GRID2: variants seen among roughly 807,000 people sequenced by gnomAD.
GRID2 encodes glutamate ionotropic receptor delta type subunit 2.
Under a neutral mutation model 114.8 loss-of-function variants are expected in GRID2, and 33 were observed. The observed-to-expected ratio is 0.29, with a 90% CI of 0.22 to 0.38. The LOEUF (loss-of-function observed/expected upper bound fraction) is 0.38. Ranked by LOEUF, GRID2 falls within the 10% of genes least tolerant of loss-of-function variation. The pLI, the probability that GRID2 is intolerant of heterozygous loss-of-function variation, is 1.00. For missense variants in GRID2, 1,184 were observed against 1,257.7 expected (o/e 0.94, Z 0.89); for synonymous variants, 505 against 449.9 (o/e 1.12, Z -1.55).
intron 1 of GRID2, among the ~76,000 whole-genome samples, chr4:92,508,325 G>T (rs1823483): frequency 0.99 from 150,189 of 152,066 alleles, 74,176 homozygotes; most frequent in East Asian, 1. Context: ...TAGTTCTAGT[G>T]CTTAAGGTAT....
At chr4:92,339,835 T>C (rs932637719) in intron 1 of GRID2, among the ~76,000 whole-genome samples, 2 of 152,328 alleles carry the variant, frequency 1.3e-5, no homozygotes, top group Admixed American at 1.3e-4. Context: ...GCCAAGTTAT[T>C]CTACATGAGC....
chr4:92,412,532 G>T (rs113804673), intron 1 of GRID2, among the ~76,000 whole-genome samples: 2 of 151,624 alleles, frequency 1.3e-5, no homozygotes, highest in Non-Finnish European at 2.9e-5. Context: ...TAACCTCTAA[G>T]GTTTTCATTT....
intron 1 of GRID2, among the ~76,000 whole-genome samples, chr4:92,489,700 G>C (rs1367228871): frequency 6.6e-6 from 1 of 152,024 alleles, no homozygotes; most frequent in Non-Finnish European, 1.5e-5. Context: ...ACAAAAACTA[G>C]CAAGCGGTGG....
chr4:92,927,839 G>T (rs1749933314), intron 2 of GRID2, among the ~76,000 whole-genome samples: 1 of 151,570 alleles, frequency 6.6e-6, no homozygotes, highest in South Asian at 2.1e-4. Context: ...TGAAAAATCT[G>T]AACGATTTCA....
intron 14 of GRID2, among the ~76,000 whole-genome samples, chr4:93,741,192 T>TATAC (rs1731374821): frequency 3.3e-5 from 1 of 29,884 alleles, no homozygotes; most frequent in Non-Finnish European, 6.2e-5. Flanking sequence ...TATATATATA[T>TATAC]ATATATATGT....
In GRID2 at chr4:93,681,115, A is replaced by G. The variant is rs1425147763; in HGVS notation, c.2360+54680A>G. 2.6e-5 allele frequency among the ~76,000 whole-genome samples: 4 copies of G among 151,572 alleles called. No individual in the cohort carries two copies. In the East Asian group the frequency reaches 7.7e-4, roughly 29 times the overall value. Reference sequence around the variant, plus strand: ...TACAAAATCAGTGTACAAAAATCACAAGCATTCTTATACACCAATAACAGA... The same window carrying G: ...TACAAAATCAGTGTACAAAAATCACGAGCATTCTTATACACCAATAACAGA... On this transcript the variant is annotated intron_variant, in intron 14 of 15. Coordinates refer to ENST00000282020, the MANE Select transcript of GRID2 (RefSeq NM_001510.4).
intron 4 of GRID2, among the ~76,000 whole-genome samples, chr4:93,173,518 A>T (rs547821146): frequency 6.6e-6 from 1 of 152,224 alleles, no homozygotes; most frequent in Non-Finnish European, 1.5e-5. Flanking sequence ...TTTAAATTTG[A>T]TAAGCTTGGA....
rs3044025 is a variant in GRID2, at chr4:93,453,316, A to AAGAGAGAGAGAG, written c.1546-2313_1546-2302dup. On this transcript the variant is annotated intron_variant, in intron 10 of 15. Coordinates refer to ENST00000282020, the MANE Select transcript of GRID2 (RefSeq NM_001510.4). The stretch of plus-strand genomic sequence containing the variant: ...GACTATACAAAACTCAGAGATGGGA[A>AAGAGAGAGAGAG]AGAGAGAGAGAGAGAGAGAGAGAGA... Among the ~76,000 whole-genome samples the AAGAGAGAGAGAG allele has an allele frequency of 1.6e-3, 205 of 127,246 alleles. 2 individuals are homozygous for AAGAGAGAGAGAG. Among genetic ancestry groups the AAGAGAGAGAGAG allele is most frequent in the East Asian group, 7.9e-3 (26 of 3,300 alleles). The allele number at this position is 127,246 out of a possible 152,430, so 83.5% of individuals were successfully genotyped here. A position where few individuals can be genotyped will look rare whatever the true frequency, so the allele number is the denominator to read the frequency against.
chr4:93,645,439 T>C (rs1371133028), intron 14 of GRID2, among the ~76,000 whole-genome samples: 3 of 152,160 alleles, frequency 2.0e-5, no homozygotes, highest in Admixed American at 1.3e-4. Context: ...GCGATGGTTA[T>C]TGACTTGGGC....
rs562611572 is a variant in GRID2, at chr4:93,267,410, G to T, written c.1245+28920G>T. Among the ~76,000 whole-genome samples, 6 of 152,240 alleles carry T rather than the reference G, an allele frequency of 3.9e-5. No individual in the cohort carries two copies. In the South Asian group the frequency reaches 1.2e-3, roughly 32 times the overall value. ...CTCTGGAGAAATGCCCCAGCAGGGGGTGGAGCAACCACTGCTGTGTCAAAG... is the reference window on the plus strand; with the variant it reads ...CTCTGGAGAAATGCCCCAGCAGGGGTTGGAGCAACCACTGCTGTGTCAAAG... On this transcript the variant is annotated intron_variant, in intron 8 of 15. Coordinates refer to ENST00000282020, the MANE Select transcript of GRID2 (RefSeq NM_001510.4).
At chr4:93,028,475 C>T (rs549003756) in intron 2 of GRID2, among the ~76,000 whole-genome samples, 28 of 152,010 alleles carry the variant, frequency 1.8e-4, no homozygotes, top group African/African-American at 6.3e-4. Flanking sequence ...AATTACCTAG[C>T]GCCTTTATAA....
At chr4:92,339,169 A>G (rs959147508) in intron 1 of GRID2, among the ~76,000 whole-genome samples, 6 of 152,116 alleles carry the variant, frequency 3.9e-5, no homozygotes, top group African/African-American at 1.2e-4. Flanking sequence ...AATAAAGTAT[A>G]TGTGTTATAT....
At chr4:92,972,101 T>TAC (rs1468871694) in intron 2 of GRID2, among the ~76,000 whole-genome samples, 3 of 152,108 alleles carry the variant, frequency 2.0e-5, no homozygotes, top group African/African-American at 7.2e-5. Context: ...TTTTAGTTTT[T>TAC]TTTTCTCAGA....
At position 93,774,465 on chromosome 4, in the gene GRID2, A is replaced by G. The variant is rs1047943114; in HGVS notation, c.*1967A>G. 2 of 152,182 alleles carry G rather than the reference A, an allele frequency of 1.3e-5. No homozygotes were observed. Among genetic ancestry groups the G allele is most frequent in the Non-Finnish European group, 2.9e-5 (2 of 67,994 alleles). 9.4% of individuals were successfully genotyped at this position (152,182 alleles called of 1,614,324 possible). ...GATGTATCGCCTATTATACAAACACACAAAACATTTTTGGAGGCCTCAGTT... is the reference window on the plus strand; with the variant it reads ...GATGTATCGCCTATTATACAAACACGCAAAACATTTTTGGAGGCCTCAGTT... On this transcript the variant is annotated 3_prime_UTR_variant, in exon 16 of 16. Transcript: ENST00000282020.
chr4:92,985,460 A>G (rs991096453), intron 2 of GRID2, among the ~76,000 whole-genome samples: 4 of 151,960 alleles, frequency 2.6e-5, no homozygotes, highest in Non-Finnish European at 5.9e-5. Context: ...GATGGTCTCG[A>G]TCTCCTGACG....
intron 13 of GRID2, among the ~76,000 whole-genome samples, chr4:93,567,216 C>T (rs1328077843): frequency 1.3e-5 from 2 of 152,310 alleles, no homozygotes; most frequent in Middle Eastern, 6.8e-3. Context: ...ATATACTTCA[C>T]TTATAGTAAA....
At chr4:93,490,928 G>T in intron 12 of GRID2, 151 bp downstream of exon 12, 1 of 563,130 alleles carries the variant, frequency 1.8e-6, no homozygotes, top group Non-Finnish European at 3.1e-6. Flanking sequence ...AAGTATCACT[G>T]ATTAGTCCAA....
rs1426358196 is a variant in GRID2 at position 93,031,254 on chromosome 4, C to T, written c.245-53741C>T. Among the ~76,000 whole-genome samples the T allele has an allele frequency of 2.0e-5, 3 of 151,942 alleles. No individual in the cohort carries two copies. In the East Asian group the frequency reaches 5.8e-4, roughly 29 times the overall value. On this transcript the variant is annotated intron_variant, in intron 2 of 15. Coordinates refer to ENST00000282020, the MANE Select transcript of GRID2 (RefSeq NM_001510.4). ...AGAGACTGGGTTTCACCATATTGGC[C>T]AGGCTGTTCTTGAATTCCTGACCTA...
chr4:92,874,953 A>G (rs556284966), intron 2 of GRID2, among the ~76,000 whole-genome samples: 1 of 152,234 alleles, frequency 6.6e-6, no homozygotes, highest in African/African-American at 2.4e-5. Context: ...TCATTCACAT[A>G]ATTTTTTAAA....
Sources: allele counts gnomAD v4.1 joint callset (sites outside exome capture counted in the v4.1 genomes callset), GRCh38; gene constraint gnomAD v4.1.1; transcripts MANE v1.5; gene names NCBI Gene and HGNC (gene_info 2026-07-23, HGNC 2026-07-21).